The following B4GALNT3 variants were observed in gnomAD, a reference collection of about 807,000 sequenced individuals.
B4GALNT3 encodes the protein beta-1,4-N-acetyl-galactosaminyltransferase 3, also known as beta-1,4-N-acetylgalactosaminyltransferase 3.
In B4GALNT3, 86 loss-of-function variants were observed where a neutral mutation model predicts 120.2. The ratio of observed to expected loss-of-function variants is 0.72; its 90% CI spans 0.60 to 0.86. The LOEUF (loss-of-function observed/expected upper bound fraction) is 0.86. Ranked by LOEUF, B4GALNT3 falls within the 40% of genes least tolerant of loss-of-function variation. B4GALNT3 has a pLI of 0.00. For missense variants in B4GALNT3, 1,167 were observed against 1,298.9 expected, an observed-to-expected ratio of 0.90 and a Z score of 1.56; for synonymous variants, 518 against 510.4, an observed-to-expected ratio of 1.01 and a Z score of -0.20.
At position 518,864 on chromosome 12, in the gene B4GALNT3, C is replaced by T. The variant is rs866323720; in HGVS notation, c.170-16302C>T. On this transcript the variant is annotated intron_variant, in intron 1 of 19. Transcript: ENST00000266383. ...TTTTATTTTTCTGAATATTTTCAAT[C>T]GCTATTGGTTGAATCCACGGATATG... Among the ~76,000 whole-genome samples, 77 of 151,984 alleles carry T rather than the reference C, an allele frequency of 5.1e-4. 1 individual carries two copies. Among genetic ancestry groups the T allele is most frequent in the Non-Finnish European group, 1.3e-4 (9 of 68,020 alleles).
chr12:462,132 C>CA (rs1304828379), intron 1 of B4GALNT3, among the ~76,000 whole-genome samples: 2 of 152,100 alleles, frequency 1.3e-5, no homozygotes, highest in Non-Finnish European at 2.9e-5. Context: ...TTCTGAAAGA[C>CA]AGAGAGTGAA....
At chr12:500,865 C>CTTGTTTTTTT (rs1946433223) in intron 1 of B4GALNT3, among the ~76,000 whole-genome samples, 1 of 61,830 alleles carries the variant, frequency 1.6e-5, no homozygotes, top group Non-Finnish European at 2.7e-5. Flanking sequence ...GGCTCCACTG[C>CTTGTTTTTTT]TTTTTTTTTT....
At chr12:482,265 G>T (rs908596139) in intron 1 of B4GALNT3, among the ~76,000 whole-genome samples, 10 of 152,212 alleles carry the variant, frequency 6.6e-5, no homozygotes, top group Non-Finnish European at 1.3e-4. Context: ...CAGCACACCA[G>T]TGGGGAAGCT....
chr12:549,672 G>T, intron 9 of B4GALNT3, 97 bp from the exon 10 acceptor site: 1 of 1,488,954 alleles, frequency 6.7e-7, no homozygotes, highest in South Asian at 1.2e-5. Context: ...GCTGGAGTCA[G>T]GAGCCCCTTC....
intron 3 of B4GALNT3, among the ~76,000 whole-genome samples, chr12:542,313 G>A (rs938141662): frequency 3.3e-5 from 5 of 152,138 alleles, no homozygotes; most frequent in African/African-American, 1.2e-4. Context: ...CCACACCTGG[G>A]ACCTCGGGCA....
chr12:501,891 G>A (rs570516265), intron 1 of B4GALNT3, among the ~76,000 whole-genome samples: 2 of 152,314 alleles, frequency 1.3e-5, no homozygotes, highest in East Asian at 1.9e-4. Context: ...CGGTGCAGGC[G>A]GTACTGTACT....
intron 1 of B4GALNT3, among the ~76,000 whole-genome samples, chr12:511,579 T>G (rs1169843928): frequency 1.5e-5 from 2 of 131,616 alleles, no homozygotes; most frequent in Non-Finnish European, 3.2e-5. Context: ...TCGACCTTCT[T>G]CCACCTTCCA....
intron 2 of B4GALNT3, 35 bp from the exon 3 acceptor site, chr12:536,183 A>G (rs774370422): frequency 2.5e-6 from 4 of 1,576,006 alleles, no homozygotes; most frequent in Admixed American, 3.3e-5. Context: ...TCATCCTAAT[A>G]TTCCTACCAA....
At position 558,674 on chromosome 12, in the gene B4GALNT3, C is replaced by G. The variant is rs755315347; in HGVS notation, c.2761+13C>G. The G allele has an allele frequency of 6.2e-7, 1 of 1,613,034 alleles. No individual in the cohort carries two copies. The highest frequency in any genetic ancestry group is 1.1e-5 in the South Asian group (1 of 91,032). On this transcript the variant is annotated intron_variant, in intron 18 of 19. Coordinates refer to ENST00000266383, the MANE Select transcript of B4GALNT3 (RefSeq NM_173593.4). ...CAGTGGCCTGAGGGTGAGCCCTGCT[C>G]AGACTGGGGAGGGAGGAAAGACTTC...
At chr12:536,054 C>T (rs746902882) in intron 2 of B4GALNT3, among the ~76,000 whole-genome samples, 164 bp from the exon 3 acceptor site, 5 of 152,166 alleles carry the variant, frequency 3.3e-5, no homozygotes, top group Non-Finnish European at 7.3e-5. Context: ...GAGGAGCAGG[C>T]GCTGATGAAA....
intron 2 of B4GALNT3, 56 bp from the exon 3 acceptor site, chr12:536,162 C>A (rs1038961034): frequency 2.3e-5 from 34 of 1,478,214 alleles, no homozygotes; most frequent in Non-Finnish European, 3.2e-5. Flanking sequence ...TCCTGTCCTG[C>A]CCGTAGCTTC....
intron 1 of B4GALNT3, among the ~76,000 whole-genome samples, chr12:470,345 T>C (rs1946123686): frequency 6.6e-6 from 1 of 152,266 alleles, no homozygotes; most frequent in Non-Finnish European, 1.5e-5. Context: ...ACAAATCCTC[T>C]GATCCACTGC....
Position 535,354 on chromosome 12 carries a change from T to G in B4GALNT3, c.273+85T>G, listed in dbSNP as rs1946847675. ...CTGCCCAGTTGCCTTAAGGGTAACC[T>G]CTGCTACTCTGGGAGGAGAGGCAGA... On this transcript the variant is annotated intron_variant, in intron 2 of 19. Transcript: ENST00000266383. 5 of 1,125,412 alleles carry G rather than the reference T, an allele frequency of 4.4e-6. No homozygotes were observed. In the Admixed American group the frequency reaches 1.0e-4, roughly 23 times the overall value. The allele number at this position is 1,125,412 out of a possible 1,614,324, so 69.7% of individuals were successfully genotyped here.
intron 1 of B4GALNT3, among the ~76,000 whole-genome samples, chr12:512,386 A>C (rs1280428873): frequency 2.4e-5 from 2 of 82,840 alleles, no homozygotes; most frequent in African/African-American, 5.4e-5. Context: ...TCCACCTTCC[A>C]CCTTCTTCCA....
At chr12:542,125 A>G (rs962414099) in intron 3 of B4GALNT3, among the ~76,000 whole-genome samples, 53 of 151,522 alleles carry the variant, frequency 3.5e-4, no homozygotes, top group African/African-American at 1.2e-3. Context: ...CCAGTCTCCC[A>G]CTTCTGTTTC....
intron 1 of B4GALNT3, among the ~76,000 whole-genome samples, chr12:478,165 G>A (rs570811280): frequency 4.0e-5 from 6 of 150,552 alleles, no homozygotes; most frequent in East Asian, 2.0e-4. Flanking sequence ...TGGGAGGATC[G>A]CATGAGCCCA....
At chr12:521,526 G>A (rs746848944) in intron 1 of B4GALNT3, among the ~76,000 whole-genome samples, 6 of 152,168 alleles carry the variant, frequency 3.9e-5, no homozygotes, top group Non-Finnish European at 7.3e-5. Flanking sequence ...AAGAGAGGGC[G>A]GAGAGGCAGG....
chr12:521,574 G>A (rs1215246997), intron 1 of B4GALNT3, among the ~76,000 whole-genome samples: 5 of 152,166 alleles, frequency 3.3e-5, no homozygotes, highest in South Asian at 2.1e-4. Flanking sequence ...GTGAAGGACC[G>A]TTCTTACCCG....
rs199639504 is a variant in B4GALNT3, at chr12:556,681, G to A, written c.2195G>A (p.Arg732Gln). 5.2e-5 allele frequency: 84 copies of A among 1,614,008 alleles called. No individual in the cohort carries two copies. In the East Asian group the frequency reaches 7.8e-4, roughly 15 times the overall value. Residue 732 changes from arginine to glutamine, a missense_variant, in exon 15 of 20, where the codon CGA becomes CAA. By Grantham distance (43) the Arg-to-Gln change is conservative. Around this residue, in one of 3 missense-constraint regions of B4GALNT3, gnomAD observed 983 missense variants for 1,102.5 expected, o/e 0.89. Transcript: ENST00000266383. ...CGGCTCTCGGAGTATGTGTCTGCAC[G>A]AGGCTGGCAGGGCATCGATCCAGCT... ...VVRLSEYVSA[R>Q]GWQGIDPAGG...
Sources: allele counts gnomAD v4.1 joint callset (sites outside exome capture counted in the v4.1 genomes callset), GRCh38; gene constraint gnomAD v4.1.1; regional missense constraint gnomAD v4.1.1; transcripts MANE v1.5; gene names NCBI Gene and HGNC (gene_info 2026-07-23, HGNC 2026-07-21).